Variants in SORCS3 observed in about 807,000 individuals in gnomAD.
SORCS3 encodes the protein sortilin related VPS10 domain containing receptor 3.
Under a neutral mutation model 146.3 loss-of-function variants are expected in SORCS3, and 57 were observed. The ratio of observed to expected loss-of-function variants is 0.39; its 90% CI spans 0.31 to 0.49. The LOEUF is 0.49. SORCS3 is among the 20% of genes least tolerant of loss of function. The pLI is 0.92. For missense variants in SORCS3, 1,341 were observed against 1,575.5 expected (o/e 0.85, Z 2.52); for synonymous variants, 653 against 618.5 (o/e 1.06, Z -0.83).
At chr10:104,996,234 A>T (rs1038965015) in intron 4 of SORCS3, among the ~76,000 whole-genome samples, 2 of 152,166 alleles carry the variant, frequency 1.3e-5, no homozygotes, top group African/African-American at 4.8e-5. Flanking sequence ...CCTCCAAAAA[A>T]ATGGCTTTTG....
At chr10:104,699,248 G>T (rs1210014527) in intron 1 of SORCS3, among the ~76,000 whole-genome samples, 2 of 152,110 alleles carry the variant, frequency 1.3e-5, no homozygotes, top group African/African-American at 4.8e-5. Flanking sequence ...TCATTGCTAT[G>T]TCATCACCAT....
rs2055347835 is a variant in SORCS3 at position 105,043,058 on chromosome 10, T to C, written c.958T>C (p.Tyr320His). 6.2e-7 allele frequency: 1 copy of C among 1,613,760 alleles called. No individual in the cohort carries two copies. The highest frequency in any genetic ancestry group is 8.5e-7 in the Non-Finnish European group (1 of 1,179,724). The change falls in exon 5 of 27, where the codon TAC becomes CAC. Residue 320 changes from tyrosine (Y) to histidine (H), a missense_variant. Physicochemically the swap from Tyr to His is moderately conservative, Grantham distance 83. Coordinates refer to ENST00000369701, the MANE Select transcript of SORCS3 (RefSeq NM_014978.3). The stretch of plus-strand genomic sequence containing the variant: ...TTCTCACTTCATTGTTTTGCAGCTC[T>C]ACAGCTCCATGGACTTTGGAAGACG... ...VLAYSLDQKL[Y>H]SSMDFGRRWQ... is the part of the protein sequence containing the mutation.
At position 104,663,342 on chromosome 10, in the gene SORCS3, G is replaced by A. The variant is rs1022568358; in HGVS notation, c.627+21388G>A. On this transcript the variant is annotated intron_variant, in intron 1 of 26. Coordinates refer to ENST00000369701, the MANE Select transcript of SORCS3 (RefSeq NM_014978.3). ...GAGGGAAACCCCATAGGATGGTGTG[G>A]GAAAGCAGGTTATTAAGTTGCCTTC... Among the ~76,000 whole-genome samples, 16 of 152,160 alleles carry A rather than the reference G, an allele frequency of 1.1e-4. 1 individual carries two copies. The highest frequency in any genetic ancestry group is 3.9e-4 in the African/African-American group (16 of 41,432).
chr10:105,158,666 G>A (rs2056233013), intron 10 of SORCS3, among the ~76,000 whole-genome samples: 1 of 151,996 alleles, frequency 6.6e-6, no homozygotes, highest in Admixed American at 6.6e-5. Flanking sequence ...GATTGTGGTT[G>A]GGGGGCAGAG....
In SORCS3 at chr10:105,043,097, C is replaced by T. The variant is rs953176098; in HGVS notation, c.997C>T (p.His333Tyr). 55 of 1,613,706 alleles carry T rather than the reference C, an allele frequency of 3.4e-5. No homozygotes were observed. Among genetic ancestry groups the T allele is most frequent in the Non-Finnish European group, 4.6e-5 (54 of 1,179,792 alleles). ...CTTTGGAAGACGGTGGCAACTCATG[C>T]ATGAACGCATCACACCCAACAGGTT... is the stretch of plus-strand genomic sequence containing the variant. ...MDFGRRWQLM[H>Y]ERITPNRFYW... The change falls in exon 5 of 27, where the codon CAT becomes TAT. Residue 333 changes from histidine to tyrosine, a missense_variant. His to Tyr is a moderately conservative substitution (Grantham distance 83). Transcript: ENST00000369701.
intron 19 of SORCS3, among the ~76,000 whole-genome samples, chr10:105,221,769 ACTTCGTATAGAAATCT>A (rs1232607071): frequency 6.6e-6 from 1 of 152,208 alleles, no homozygotes; most frequent in Non-Finnish European, 1.5e-5. Flanking sequence ...TGGCTTAAGA[ACTTCGTATAGAAATCT>A]CTTCAATTAC....
chr10:104,976,699 G>C (rs1252690436), intron 3 of SORCS3, among the ~76,000 whole-genome samples: 1 of 152,166 alleles, frequency 6.6e-6, no homozygotes, highest in African/African-American at 2.4e-5. Flanking sequence ...AAGAAATGTG[G>C]CACATATACA....
At chr10:104,759,221 G>C (rs2017092772) in intron 1 of SORCS3, among the ~76,000 whole-genome samples, 1 of 152,180 alleles carries the variant, frequency 6.6e-6, no homozygotes, top group African/African-American at 2.4e-5. Flanking sequence ...GCTGGCCAGA[G>C]GCTGGAAAAG....
At chr10:104,785,591 T>TA (rs1554851154) in intron 1 of SORCS3, among the ~76,000 whole-genome samples, 7,300 of 148,208 alleles carry the variant, frequency 0.049, 201 homozygotes, top group Admixed American at 0.072. Flanking sequence ...AAAAATAAAT[T>TA]AAAAAAAAAA....
Position 105,007,224 on chromosome 10 carries a change from T to C in SORCS3, c.954+29731T>C, listed in dbSNP as rs573781474. The stretch of plus-strand genomic sequence containing the variant: ...TTAATATTTATGAGGAATCTACTTA[T>C]TGTGCAGCCCTGTGTTCAGTGTTAT... On this transcript the variant is annotated intron_variant, in intron 4 of 26. Transcript: ENST00000369701. Among the ~76,000 whole-genome samples the C allele has an allele frequency of 2.0e-5, 3 of 152,350 alleles. No homozygotes were observed. The South Asian group carries it at 6.2e-4, about 32-fold the overall frequency.
At chr10:104,965,294 C>T (rs1416041810) in intron 3 of SORCS3, among the ~76,000 whole-genome samples, 1 of 152,168 alleles carries the variant, frequency 6.6e-6, no homozygotes, top group Non-Finnish European at 1.5e-5. Flanking sequence ...TGACTGTCTG[C>T]CTGCTTCACT....
intron 3 of SORCS3, among the ~76,000 whole-genome samples, chr10:104,951,420 G>T (rs913286851): frequency 6.6e-6 from 1 of 152,100 alleles, no homozygotes. Context: ...ATAACCTCTA[G>T]CTCCTGGGCC....
chr10:104,843,744 C>T (rs925363890), intron 2 of SORCS3, among the ~76,000 whole-genome samples: 27 of 152,240 alleles, frequency 1.8e-4, no homozygotes, highest in African/African-American at 5.1e-4. Context: ...CACATCCATA[C>T]GACCACATTG....
In SORCS3 at chr10:105,055,678, A is replaced by T. The variant is rs565668917; in HGVS notation, c.1028+12550A>T. Among the ~76,000 whole-genome samples the T allele has an allele frequency of 3.3e-5, 5 of 152,334 alleles. No individual in the cohort carries two copies. In the South Asian group the frequency reaches 1.0e-3, roughly 32 times the overall value. The stretch of plus-strand genomic sequence containing the variant: ...TTGGTAGCAAATGGCACATAGCATC[A>T]CTTTGAAACTAAGCAAGTTAGAAAG... On this transcript the variant is annotated intron_variant, in intron 5 of 26. Transcript: ENST00000369701.
intron 2 of SORCS3, among the ~76,000 whole-genome samples, chr10:104,878,090 C>CT (rs879896057): frequency 4.9e-4 from 73 of 149,614 alleles, no homozygotes; most frequent in African/African-American, 8.3e-4. Flanking sequence ...TTATGAAATT[C>CT]TTTTTTTTTT....
In SORCS3 at chr10:105,255,796, C is replaced by T. The variant is rs767166140; in HGVS notation, c.3332C>T (p.Thr1111Met). The change falls in exon 24 of 27, where the codon ACG becomes ATG. Residue 1111 changes from threonine (T) to methionine (M), a missense_variant. Physicochemically the swap from Thr to Met is moderately conservative, Grantham distance 81. Transcript: ENST00000369701. Reference protein sequence around the residue: ...VQVIVYVTQLTLAPLVDSSAG... With the variant: ...VQVIVYVTQLMLAPLVDSSAG... The stretch of plus-strand genomic sequence containing the variant: ...GTCATTGTGTATGTCACACAGCTGA[C>T]GTTAGGTGAGTGCCACTGGGAACTG... 8 of 1,611,426 alleles carry T rather than the reference C, an allele frequency of 5.0e-6. No homozygotes were observed. The highest frequency in any genetic ancestry group is 1.6e-4 in the Middle Eastern group (1 of 6,074).
At chr10:104,642,354 T>G (rs1359864740) in intron 1 of SORCS3, among the ~76,000 whole-genome samples, 1 of 151,948 alleles carries the variant, frequency 6.6e-6, no homozygotes, top group Non-Finnish European at 1.5e-5. Flanking sequence ...GACCGATTCC[T>G]GCGGCTGCCG....
intron 4 of SORCS3, among the ~76,000 whole-genome samples, chr10:105,026,854 G>A (rs547047359): frequency 6.6e-6 from 1 of 152,226 alleles, no homozygotes; most frequent in Admixed American, 6.5e-5. Flanking sequence ...GGGACCAAGG[G>A]GTGAAAAACC....
At chr10:104,687,655 G>A (rs1325823934) in intron 1 of SORCS3, among the ~76,000 whole-genome samples, 1 of 152,102 alleles carries the variant, frequency 6.6e-6, no homozygotes, top group Non-Finnish European at 1.5e-5. Context: ...TCAAGCTGAA[G>A]GGCAATAATT....
Sources: gnomAD v4.1 joint callset for allele counts (sites outside exome capture counted in the v4.1 genomes callset) on GRCh38, gnomAD v4.1.1 for gene constraint, MANE v1.5 for transcripts, NCBI Gene and HGNC (gene_info 2026-07-23, HGNC 2026-07-21) for gene names.